Variants in NOS1AP observed in about 807,000 individuals in gnomAD.
NOS1AP encodes the protein nitric oxide synthase 1 adaptor protein.
NOS1AP carries 21 observed loss-of-function variants against 56.2 expected under a neutral mutation model. That is an observed-to-expected ratio of 0.37 (90% CI 0.26 to 0.54). The LOEUF is 0.54. Ranked by LOEUF, NOS1AP falls within the 20% of genes least tolerant of loss-of-function variation. The pLI, the probability that NOS1AP is intolerant of heterozygous loss-of-function variation, is 0.84. For missense variants in NOS1AP, 522 were observed against 657.8 expected (o/e 0.79, Z 2.26); for synonymous variants, 270 against 274.6 (o/e 0.98, Z 0.17).
chr1:162,345,420 T>G (rs1417812044), intron 6 of NOS1AP, among the ~76,000 whole-genome samples: 1 of 151,496 alleles, frequency 6.6e-6, no homozygotes, highest in Non-Finnish European at 1.5e-5. Flanking sequence ...GGTTTTTTGT[T>G]CTTGCGATAG....
intron 6 of NOS1AP, 139 bp downstream of exon 6, chr1:162,344,115 A>G: frequency 1.1e-6 from 1 of 936,942 alleles, no homozygotes; most frequent in Admixed American, 2.0e-5. Context: ...TAAATTCTAG[A>G]TTCTCTTTAA....
intron 2 of NOS1AP, among the ~76,000 whole-genome samples, chr1:162,238,658 A>G (rs1653383390): frequency 1.3e-5 from 2 of 152,254 alleles, no homozygotes; most frequent in Non-Finnish European, 2.9e-5. Flanking sequence ...ATAGATGGCT[A>G]ACATTCACTG....
chr1:162,169,153 G>A (rs989588628), intron 2 of NOS1AP, among the ~76,000 whole-genome samples: 2 of 152,222 alleles, frequency 1.3e-5, no homozygotes, highest in African/African-American at 4.8e-5. Context: ...GCAGCTCTCT[G>A]CCTTTCCTTG....
chr1:162,241,904 C>T lies in NOS1AP; in HGVS notation c.178-45440C>T, dbSNP rs116537698. ...TCAGCAACCCTGGGAAAATGAAAAT[C>T]CTTCCTCCTAAATCATCTCATTCAT... is the stretch of plus-strand genomic sequence containing the variant. On this transcript the variant is annotated intron_variant, in intron 2 of 9. Transcript: ENST00000361897. Among the ~76,000 whole-genome samples the T allele has an allele frequency of 2.7e-3, 415 of 152,308 alleles. 1 individual carries two copies. Among genetic ancestry groups the T allele is most frequent in the African/African-American group, 9.6e-3 (401 of 41,564 alleles).
chr1:162,134,045 G>T (rs1365467395), intron 1 of NOS1AP, among the ~76,000 whole-genome samples: 1 of 152,154 alleles, frequency 6.6e-6, no homozygotes, highest in African/African-American at 2.4e-5. Context: ...GGGAGAAAAT[G>T]AATTTCAGTT....
chr1:162,094,622 A>G lies in NOS1AP; in HGVS notation c.105+24340A>G, dbSNP rs546831501. 5.3e-5 allele frequency among the ~76,000 whole-genome samples: 8 copies of G among 152,296 alleles called. No individual in the cohort carries two copies. In the South Asian group the frequency reaches 1.0e-3, roughly 20 times the overall value. On this transcript the variant is annotated intron_variant, in intron 1 of 9. Transcript: ENST00000361897. ...TGTCCTGAACCTGGCTGGGAAGTGG[A>G]CACTTGGCAGATTCTGGGACATTTT...
At chr1:162,183,841 A>G (rs1029312008) in intron 2 of NOS1AP, among the ~76,000 whole-genome samples, 3 of 152,328 alleles carry the variant, frequency 2.0e-5, no homozygotes, top group Admixed American at 1.3e-4. Flanking sequence ...AGACTGTCCA[A>G]ACTTTTTCCA....
At chr1:162,074,192 T>C (rs1367245893) in intron 1 of NOS1AP, among the ~76,000 whole-genome samples, 11 of 152,200 alleles carry the variant, frequency 7.2e-5, no homozygotes, top group Non-Finnish European at 1.5e-5. Context: ...GATTAATTTG[T>C]CCAGAGTTGC....
At chr1:162,272,947 G>T (rs1288307398) in intron 2 of NOS1AP, among the ~76,000 whole-genome samples, 1 of 152,058 alleles carries the variant, frequency 6.6e-6, no homozygotes, top group African/African-American at 2.4e-5. Context: ...TAGGGATTGA[G>T]TTACCAGACT....
At position 162,229,305 on chromosome 1, in the gene NOS1AP, TG is replaced by T. The variant is rs1557840712; in HGVS notation, c.178-58038del. On this transcript the variant is annotated intron_variant, in intron 2 of 9. Transcript: ENST00000361897. ...CTTGGTTAGTAAGATACTGGTTAGA[TG>T]TCTGTAGGGGAGAGAGGAAACCCTG... is the stretch of plus-strand genomic sequence containing the variant. Among the ~76,000 whole-genome samples, 19 of 152,270 alleles carry T rather than the reference TG, an allele frequency of 1.2e-4. 1 individual carries two copies. The South Asian group carries it at 3.9e-3, about 32-fold the overall frequency.
intron 1 of NOS1AP, among the ~76,000 whole-genome samples, chr1:162,118,187 T>A (rs556452456): frequency 6.6e-6 from 1 of 152,336 alleles, no homozygotes; most frequent in East Asian, 1.9e-4. Flanking sequence ...GGGGTCCCAA[T>A]GAATTCCGTC....
At chr1:162,129,703 G>A (rs1648662382) in intron 1 of NOS1AP, among the ~76,000 whole-genome samples, 2 of 152,242 alleles carry the variant, frequency 1.3e-5, no homozygotes, top group South Asian at 4.2e-4. Context: ...CACAGCAGAC[G>A]CTTAACTATG....
intron 2 of NOS1AP, among the ~76,000 whole-genome samples, chr1:162,277,594 C>T (rs899621957): frequency 6.6e-5 from 10 of 152,130 alleles, no homozygotes; most frequent in Non-Finnish European, 1.3e-4. Context: ...TCACCCTAAG[C>T]GTACTATGGG....
chr1:162,318,540 G>C (rs1656303152), intron 4 of NOS1AP, among the ~76,000 whole-genome samples: 1 of 152,008 alleles, frequency 6.6e-6, no homozygotes, highest in Non-Finnish European at 1.5e-5. Context: ...TTCCTCCTCA[G>C]ATCTCTTGGT....
chr1:162,242,280 T>C (rs971402287), intron 2 of NOS1AP, among the ~76,000 whole-genome samples: 1 of 152,210 alleles, frequency 6.6e-6, no homozygotes, highest in African/African-American at 2.4e-5. Context: ...TTGTGACTAC[T>C]CTTGAATCTT....
chr1:162,313,022 T>C (rs1467699696), intron 4 of NOS1AP, among the ~76,000 whole-genome samples: 5 of 152,064 alleles, frequency 3.3e-5, no homozygotes, highest in Non-Finnish European at 7.3e-5. Flanking sequence ...ACAGCCAATA[T>C]CATACTGAAT....
At chr1:162,108,155 C>G (rs573896641) in intron 1 of NOS1AP, among the ~76,000 whole-genome samples, 9 of 152,182 alleles carry the variant, frequency 5.9e-5, no homozygotes, top group African/African-American at 1.9e-4. Context: ...CAAAAAATAA[C>G]CAGGGCTCTT....
intron 2 of NOS1AP, among the ~76,000 whole-genome samples, chr1:162,155,417 G>C (rs1288149775): frequency 6.8e-6 from 1 of 147,548 alleles, no homozygotes; most frequent in African/African-American, 2.5e-5. Flanking sequence ...TATATATATA[G>C]AGCCTATATA....
chr1:162,347,638 C>G (rs1053116723), intron 6 of NOS1AP, among the ~76,000 whole-genome samples: 1 of 152,216 alleles, frequency 6.6e-6, no homozygotes, highest in East Asian at 1.9e-4. Flanking sequence ...GGGAGCTGCT[C>G]TCTCCTTGCA....
Sources: allele counts gnomAD v4.1 joint callset (sites outside exome capture counted in the v4.1 genomes callset), GRCh38; gene constraint gnomAD v4.1.1; transcripts MANE v1.5; gene names NCBI Gene and HGNC (gene_info 2026-07-23, HGNC 2026-07-21).